The following STIL variants were observed in gnomAD, a reference collection of about 807,000 sequenced individuals.
The protein encoded by STIL is STIL centriolar assembly protein.
STIL carries 55 observed loss-of-function variants against 110.1 expected under a neutral mutation model. That is an observed-to-expected ratio of 0.50 (90% confidence interval 0.40 to 0.63). STIL has a LOEUF of 0.63. STIL is among the 20% of genes least tolerant of loss of function. The pLI is 0.00. For missense variants in STIL, 1,358 were observed against 1,530.0 expected (o/e 0.89, Z 1.87); for synonymous variants, 481 against 530.0 (o/e 0.91, Z 1.27).
chr1:47,273,102 G>A lies in STIL; in HGVS notation c.2218-861C>T, dbSNP rs116065505. On this transcript the variant is annotated intron_variant, in intron 12 of 16. Transcript: ENST00000371877. ...TTTTTTTACAAGTAAGAAAACCTGC[G>A]GCAAGGAAAAAGTTAAGTTACTTGT... Among the ~76,000 whole-genome samples, 879 of 152,104 alleles carry A rather than the reference G, an allele frequency of 5.8e-3. 8 individuals are homozygous for A. Among genetic ancestry groups the A allele is most frequent in the African/African-American group, 0.02 (825 of 41,490 alleles).
chr1:47,256,518 G>T (rs905697522), intron 16 of STIL, among the ~76,000 whole-genome samples: 2 of 151,594 alleles, frequency 1.3e-5, no homozygotes, highest in Non-Finnish European at 1.5e-5. Flanking sequence ...CTACTCAGGA[G>T]GCGGAGGCAG....
At chr1:47,265,237 C>CAA (rs61666574) in intron 14 of STIL, among the ~76,000 whole-genome samples, 1,392 of 51,532 alleles carry the variant, frequency 0.027, 85 homozygotes, top group African/African-American at 0.087. Flanking sequence ...CTCCATCTCC[C>CAA]AAAAAAAAAA....
intron 14 of STIL, among the ~76,000 whole-genome samples, chr1:47,263,965 C>G (rs58891696): frequency 0.25 from 38,272 of 151,762 alleles, 5,164 homozygotes; most frequent in Non-Finnish European, 0.31. Flanking sequence ...GTTGGCCAGG[C>G]TGGTCTCGAA....
At chr1:47,295,907 C>T (rs1639940080) in intron 6 of STIL, 59 bp from the exon 7 acceptor site, 1 of 1,252,594 alleles carries the variant, frequency 8.0e-7, no homozygotes, top group Admixed American at 1.7e-5. Flanking sequence ...ACCTAAAAGA[C>T]ATAATCTAAA....
intron 14 of STIL, among the ~76,000 whole-genome samples, chr1:47,267,121 T>C (rs1173613327): frequency 6.6e-6 from 1 of 152,192 alleles, no homozygotes; most frequent in African/African-American, 2.4e-5. Context: ...TTCAGGTCAC[T>C]ACTCAAATGT....
intron 10 of STIL, among the ~76,000 whole-genome samples, chr1:47,286,989 C>G (rs1394927364): frequency 6.6e-6 from 1 of 152,070 alleles, no homozygotes; most frequent in East Asian, 1.9e-4. Flanking sequence ...TCCCAAAGTG[C>G]TGGGATTATA....
intron 14 of STIL, among the ~76,000 whole-genome samples, chr1:47,267,150 G>A (rs770003140): frequency 2.0e-5 from 3 of 152,072 alleles, no homozygotes; most frequent in Non-Finnish European, 4.4e-5. Context: ...CACAGAGATG[G>A]TTTCCTTTAC....
At chr1:47,260,217 T>TG in intron 16 of STIL, 72 bp downstream of exon 16, 1 of 1,425,110 alleles carries the variant, frequency 7.0e-7, no homozygotes, top group Non-Finnish European at 9.4e-7. Context: ...TAGCCAATGA[T>TG]GGGCAAAAAT....
chr1:47,269,680 T>C lies in STIL; in HGVS notation c.2570A>G (p.Asn857Ser). 1.9e-6 allele frequency: 3 copies of C among 1,614,180 alleles called. No individual in the cohort carries two copies. The highest frequency in any genetic ancestry group is 1.3e-5 in the African/African-American group (1 of 75,062). ...GTTAAATTCTTCTTCCACAGCAATGTTGCTCTCTTCAAAACTGGGAATATC... is the reference window on the plus strand; with the variant it reads ...GTTAAATTCTTCTTCCACAGCAATGCTGCTCTCTTCAAAACTGGGAATATC... ...AVDIPSFEES[N>S]IAVEEEFNQP... The change falls in exon 14 of 17, where the codon AAC (asparagine) becomes AGC (serine). Residue 857 changes from asparagine (N) to serine (S), a missense_variant. Coordinates refer to ENST00000371877, the MANE Select transcript of STIL (RefSeq NM_001048166.1).
intron 2 of STIL, chr1:47,305,256 G>C (rs1381444670): frequency 2.7e-6 from 1 of 376,786 alleles, no homozygotes; most frequent in Non-Finnish European, 4.8e-6. Context: ...TTCCTGAGTA[G>C]CTGAGATTAC....
At chr1:47,309,320 T>C (rs1196019079) in intron 2 of STIL, among the ~76,000 whole-genome samples, 1 of 152,076 alleles carries the variant, frequency 6.6e-6, no homozygotes, top group African/African-American at 2.4e-5. Context: ...TCTGTCAACA[T>C]GGGGTTTCCC....
At chr1:47,275,718 A>G (rs1401717719) in intron 12 of STIL, among the ~76,000 whole-genome samples, 4 of 151,992 alleles carry the variant, frequency 2.6e-5, no homozygotes, top group African/African-American at 7.2e-5. Context: ...TCAGCTTCCT[A>G]GGCTGAAGCA....
chr1:47,271,159 C>T (rs984089643), intron 13 of STIL, among the ~76,000 whole-genome samples: 1 of 152,070 alleles, frequency 6.6e-6, no homozygotes, highest in African/African-American at 2.4e-5. Context: ...GATATATTTA[C>T]AAAATATAAA....
chr1:47,280,735 C>A lies in STIL; in HGVS notation c.1723G>T (p.Val575Phe), dbSNP rs752114735. The A allele has an allele frequency of 5.0e-6, 8 of 1,613,902 alleles. No individual in the cohort carries two copies. Among genetic ancestry groups the A allele is most frequent in the Non-Finnish European group, 6.8e-6 (8 of 1,179,934 alleles). The change falls in exon 12 of 17, where the codon GTT becomes TTT. Residue 575 changes from valine to phenylalanine, a missense_variant. Val to Phe is a conservative substitution (Grantham distance 50). Transcript: ENST00000371877. ...LAPQSQPHDF[V>F]FSPHNSGRPM... ...CTTCCTGAATTATGGGGTGAAAAAA[C>A]AAAATCGTGTGGTTGGGACTGCGGG...
At position 47,302,236 on chromosome 1, in the gene STIL, T is replaced by G. The variant is rs763736690; in HGVS notation, c.263A>C (p.Glu88Ala). 1.1e-4 allele frequency: 173 copies of G among 1,609,268 alleles called. No homozygotes were observed. The highest frequency in any genetic ancestry group is 1.5e-4 in the Non-Finnish European group (171 of 1,175,774). Residue 88 changes from glutamate to alanine, a missense_variant and splice_region_variant, in exon 4 of 17, where the codon GAA becomes GCA. Transcript: ENST00000371877. The part of the protein sequence containing the change: ...CFLLGSLTAD[E>A]DEEGVTLTVD... ...GTCCATTTTTAAAAGTGTATTACCT[T>G]CGTCTGCTGTCAGAGAACCAAGTAA...
intron 14 of STIL, among the ~76,000 whole-genome samples, chr1:47,265,243 A>AAAAAAAAAAC (rs1644606098): frequency 6.7e-6 from 1 of 149,058 alleles, no homozygotes; most frequent in African/African-American, 2.5e-5. Flanking sequence ...CTCCCAAAAA[A>AAAAAAAAAAC]AAAAAAAAAA....
At chr1:47,263,241 GATGCTAC>G (rs1644534198) in intron 14 of STIL, 125 bp from the exon 15 acceptor site, 1 of 880,854 alleles carries the variant, frequency 1.1e-6, no homozygotes, top group Non-Finnish European at 1.8e-6. Context: ...TCTTAGTGAT[GATGCTAC>G]ATAAACACCC....
rs146806140 is a variant in STIL at position 47,257,671 on chromosome 1, T to C, written c.3080+2618A>G. 3.8e-3 allele frequency among the ~76,000 whole-genome samples: 577 copies of C among 152,366 alleles called. 3 individuals are homozygous for C. The highest frequency in any genetic ancestry group is 0.013 in the African/African-American group (552 of 41,580). ...AGTATGAAATACTCCTAAAGTTAGC[T>C]ACCTTTCTTTTTTCCTTTCCTTTAT... On this transcript the variant is annotated intron_variant, in intron 16 of 16. Transcript: ENST00000371877.
intron 14 of STIL, among the ~76,000 whole-genome samples, chr1:47,263,688 C>T (rs1387804820): frequency 1.3e-5 from 2 of 148,224 alleles, no homozygotes; most frequent in Non-Finnish European, 3.0e-5. Context: ...AACTTGATGG[C>T]AATGGAAATT....
Sources: allele counts gnomAD v4.1 joint callset (sites outside exome capture counted in the v4.1 genomes callset), GRCh38; gene constraint gnomAD v4.1.1; transcripts MANE v1.5; gene names NCBI Gene and HGNC (gene_info 2026-07-23, HGNC 2026-07-21).